Variants in NAALADL2 observed in about 807,000 individuals in gnomAD.
The protein encoded by NAALADL2 is N-acetylated alpha-linked acidic dipeptidase like 2.
Under a neutral mutation model 87.2 loss-of-function variants are expected in NAALADL2, and 76 were observed. That is an observed-to-expected ratio of 0.87 (90% CI 0.72 to 1.05). The LOEUF (loss-of-function observed/expected upper bound fraction) is 1.05. NAALADL2 is among the 50% of genes least tolerant of loss of function. NAALADL2 has a pLI of 0.00. For missense variants in NAALADL2, 1,089 were observed against 945.8 expected (o/e 1.15, Z -1.99); for synonymous variants, 354 against 331.0 (o/e 1.07, Z -0.75).
At chr3:175,071,784 T>G (rs1715689993) in intron 1 of NAALADL2, among the ~76,000 whole-genome samples, 1 of 148,812 alleles carries the variant, frequency 6.7e-6, no homozygotes, top group Non-Finnish European at 1.5e-5. Context: ...ACAAAGGATA[T>G]TAAAAAAATT....
chr3:175,645,903 G>A (rs1729943617), intron 11 of NAALADL2, among the ~76,000 whole-genome samples: 1 of 152,024 alleles, frequency 6.6e-6, no homozygotes, highest in African/African-American at 2.4e-5. Context: ...TTTTCACTTG[G>A]CAGTAAACAG....
chr3:175,196,490 A>G (rs1739018188), intron 2 of NAALADL2, among the ~76,000 whole-genome samples: 1 of 151,790 alleles, frequency 6.6e-6, no homozygotes, highest in Non-Finnish European at 1.5e-5. Context: ...TTGTGTTGGT[A>G]TTTTTTAAGT....
At chr3:174,506,731 T>G (rs1403177850) in intron 1 of NAALADL2, among the ~76,000 whole-genome samples, 25 of 152,202 alleles carry the variant, frequency 1.6e-4, no homozygotes, top group Admixed American at 1.6e-3. Flanking sequence ...TGCACCTTTA[T>G]CACACTCTTA....
intron 1 of NAALADL2, among the ~76,000 whole-genome samples, chr3:174,982,860 T>C (rs9825225): frequency 0.098 from 14,849 of 152,034 alleles, 1,711 homozygotes; most frequent in African/African-American, 0.28. Flanking sequence ...TACAGTGGCA[T>C]GATCTCCGCT....
exon 2 of NAALADL2, chr3:174,550,627 T>C (rs1053842992): frequency 3.3e-5 from 5 of 152,010 alleles, no homozygotes; most frequent in African/African-American, 1.2e-4. Flanking sequence ...AAGAAAACGA[T>C]TAAAAACAAG....
In NAALADL2 at chr3:175,576,199, T is replaced by C. The variant is rs775762392; in HGVS notation, c.1800+12T>C. ...TCAAAACATTAGAGGTGATTGTTCC[T>C]AAAAAATGCAAAACACACACACACA... On this transcript the variant is annotated intron_variant, in intron 10 of 13. Coordinates refer to ENST00000454872, the MANE Select transcript of NAALADL2 (RefSeq NM_207015.3). 2.3e-5 allele frequency: 37 copies of C among 1,607,728 alleles called. No homozygotes were observed. The highest frequency in any genetic ancestry group is 2.9e-5 in the Non-Finnish European group (34 of 1,177,474).
intron 1 of NAALADL2, among the ~76,000 whole-genome samples, chr3:175,068,381 T>C (rs1714943814): frequency 6.6e-6 from 1 of 152,110 alleles, no homozygotes; most frequent in African/African-American, 2.4e-5. Flanking sequence ...AAGGGTGATA[T>C]GAGAGAAGAA....
At chr3:175,035,096 C>T (rs1753250585) in intron 1 of NAALADL2, among the ~76,000 whole-genome samples, 2 of 152,110 alleles carry the variant, frequency 1.3e-5, no homozygotes, top group South Asian at 4.2e-4. Context: ...ATAATTTGTC[C>T]CACGACCAAC....
At chr3:174,790,379 G>A (rs1466474150) in intron 3 of NAALADL2, among the ~76,000 whole-genome samples, 1 of 152,126 alleles carries the variant, frequency 6.6e-6, no homozygotes, top group South Asian at 2.1e-4. Context: ...TTCAGGCGTG[G>A]TGGTTCATGC....
chr3:175,253,861 C>T (rs1008211207), intron 3 of NAALADL2, among the ~76,000 whole-genome samples: 1 of 152,098 alleles, frequency 6.6e-6, no homozygotes, highest in Non-Finnish European at 1.5e-5. Flanking sequence ...GAAGTTGAAC[C>T]TGAAGATGTG....
At chr3:175,425,756 A>G (rs894730961) in intron 5 of NAALADL2, among the ~76,000 whole-genome samples, 10 of 152,194 alleles carry the variant, frequency 6.6e-5, no homozygotes, top group Admixed American at 6.6e-4. Flanking sequence ...ATTTTATCCT[A>G]CATTGAAAAC....
At chr3:175,325,634 C>G (rs1560364902) in intron 5 of NAALADL2, among the ~76,000 whole-genome samples, 1 of 152,188 alleles carries the variant, frequency 6.6e-6, no homozygotes, top group Non-Finnish European at 1.5e-5. Flanking sequence ...GTGCTCTAAC[C>G]TAAGTTGGTA....
At chr3:174,714,815 C>G (rs958428244) in intron 2 of NAALADL2, among the ~76,000 whole-genome samples, 1 of 152,098 alleles carries the variant, frequency 6.6e-6, no homozygotes, top group African/African-American at 2.4e-5. Flanking sequence ...ATTGCCCTGG[C>G]CAGAAATTCC....
chr3:175,641,870 T>A (rs1473567925), intron 11 of NAALADL2, among the ~76,000 whole-genome samples: 3 of 152,218 alleles, frequency 2.0e-5, no homozygotes, highest in Non-Finnish European at 2.9e-5. Context: ...TTGTTTTTCA[T>A]GATTCAAATG....
At chr3:175,128,931 T>TTTTGTTTGTTTG (rs372616563) in intron 2 of NAALADL2, among the ~76,000 whole-genome samples, 1 of 151,500 alleles carries the variant, frequency 6.6e-6, no homozygotes, top group East Asian at 1.9e-4. Flanking sequence ...ACCAATTTTT[T>TTTTGTTTGTTTG]TTTGTTTGTT....
At chr3:175,634,201 A>C (rs1728193009) in intron 11 of NAALADL2, among the ~76,000 whole-genome samples, 1 of 151,952 alleles carries the variant, frequency 6.6e-6, no homozygotes, top group African/African-American at 2.4e-5. Flanking sequence ...TGTAATTATT[A>C]ATTCCATTTG....
At chr3:174,885,591 C>G (rs1218810606) in intron 1 of NAALADL2, among the ~76,000 whole-genome samples, 1 of 152,076 alleles carries the variant, frequency 6.6e-6, no homozygotes, top group Non-Finnish European at 1.5e-5. Context: ...GTACTCCATA[C>G]TATTAGAAGT....
intron 1 of NAALADL2, among the ~76,000 whole-genome samples, chr3:174,896,927 G>A (rs1408711123): frequency 1.3e-5 from 2 of 152,140 alleles, no homozygotes; most frequent in East Asian, 3.9e-4. Context: ...CTGGGGTAAA[G>A]ACAGTCTCTT....
At chr3:175,043,585 A>G (rs1754337381) in intron 1 of NAALADL2, among the ~76,000 whole-genome samples, 1 of 151,996 alleles carries the variant, frequency 6.6e-6, no homozygotes, top group Non-Finnish European at 1.5e-5. Context: ...TCCAATTTTA[A>G]TTTTTTACAT....
Sources: gnomAD v4.1 joint callset for allele counts (sites outside exome capture counted in the v4.1 genomes callset) on GRCh38, gnomAD v4.1.1 for gene constraint, MANE v1.5 for transcripts, NCBI Gene and HGNC (gene_info 2026-07-23, HGNC 2026-07-21) for gene names.